IFT88: variants seen among roughly 807,000 people sequenced by gnomAD.
IFT88 encodes the protein intraflagellar transport protein 88 homolog.
Under a neutral mutation model 119.5 loss-of-function variants are expected in IFT88, and 74 were observed. The ratio of observed to expected loss-of-function variants is 0.62; its 90% CI spans 0.51 to 0.75. The LOEUF (loss-of-function observed/expected upper bound fraction) is 0.75, where lower values mean the gene tolerates loss of function less well. IFT88 is among the 30% of genes least tolerant of loss of function. The probability of loss-of-function intolerance (pLI) is 0.00; values close to 1 mark genes in which losing one functional copy is unlikely to be tolerated. For missense variants in IFT88, 961 were observed against 977.7 expected (o/e 0.98, Z 0.23); for synonymous variants, 279 against 316.7 (o/e 0.88, Z 1.26).
rs566288887 is a variant in IFT88, at chr13:20,608,324, G to A, written c.1112+3219G>A. ...CGCCCCATGAGCCACAGGAGGATGC[G>A]TTGCCTGCAGCACAGACGGCTGTGG... On this transcript the variant is annotated intron_variant, in intron 13 of 25. Coordinates refer to ENST00000351808, the MANE Select transcript of IFT88 (RefSeq NM_006531.5). Among the ~76,000 whole-genome samples, 51 of 152,298 alleles carry A rather than the reference G, an allele frequency of 3.3e-4. 1 individual carries two copies. In the South Asian group the frequency reaches 0.01, roughly 30 times the overall value.
intron 23 of IFT88, among the ~76,000 whole-genome samples, chr13:20,666,019 C>G (rs936442201): frequency 6.6e-6 from 1 of 152,214 alleles, no homozygotes; most frequent in Non-Finnish European, 1.5e-5. Flanking sequence ...CTTGAATTTA[C>G]GGTCAGCCAG....
intron 3 of IFT88, among the ~76,000 whole-genome samples, chr13:20,589,533 C>T (rs950617774): frequency 3.3e-5 from 5 of 152,116 alleles, no homozygotes; most frequent in South Asian, 2.1e-4. Context: ...ATGTTTAATT[C>T]GTGATGGTTG....
At chr13:20,621,174 C>G (rs1174363686) in intron 14 of IFT88, among the ~76,000 whole-genome samples, 2 of 152,072 alleles carry the variant, frequency 1.3e-5, no homozygotes, top group Non-Finnish European at 2.9e-5. Flanking sequence ...TCAAGAAATT[C>G]TCGTACCTCA....
chr13:20,674,107 C>T (rs1449097221), intron 24 of IFT88, among the ~76,000 whole-genome samples: 5 of 152,176 alleles, frequency 3.3e-5, no homozygotes, highest in African/African-American at 1.2e-4. Context: ...TTGCAGGAAT[C>T]GTGTTTTCTG....
chr13:20,571,149 A>G (rs939721550), intron 1 of IFT88, among the ~76,000 whole-genome samples: 3 of 152,042 alleles, frequency 2.0e-5, no homozygotes, highest in African/African-American at 7.2e-5. Flanking sequence ...GCCTGCTATC[A>G]TGCCCGGCTA....
Position 20,643,546 on chromosome 13 carries a change from C to A in IFT88, c.1774C>A (p.Leu592Ile). The A allele has an allele frequency of 6.2e-7, 1 of 1,609,826 alleles. No homozygotes were observed. Reference sequence around the variant, plus strand: ...AACCGATCCTCAAGTTTTATCTAAGCTAGGAGAATTATATGATCGTGAAGG... The same window carrying A: ...AACCGATCCTCAAGTTTTATCTAAGATAGGAGAATTATATGATCGTGAAGG... ...IPTDPQVLSK[L>I]GELYDREGDK... Residue 592 changes from leucine (L) to isoleucine (I), a missense_variant, in exon 19 of 26, where the codon CTA (leucine) becomes ATA (isoleucine). Coordinates refer to ENST00000351808, the MANE Select transcript of IFT88 (RefSeq NM_006531.5).
At chr13:20,592,965 C>T (rs1041227449) in intron 7 of IFT88, among the ~76,000 whole-genome samples, 2 of 152,094 alleles carry the variant, frequency 1.3e-5, no homozygotes, top group African/African-American at 4.8e-5. Context: ...TATTATATGA[C>T]TTGAAGATAT....
At chr13:20,594,713 A>G (rs1318162589) in intron 7 of IFT88, among the ~76,000 whole-genome samples, 4 of 152,216 alleles carry the variant, frequency 2.6e-5, no homozygotes, top group Non-Finnish European at 5.9e-5. Flanking sequence ...ATAGAATTCT[A>G]TACTTCATGT....
intron 6 of IFT88, among the ~76,000 whole-genome samples, 168 bp from the exon 7 acceptor site, chr13:20,592,167 T>C (rs1055873050): frequency 1.3e-5 from 2 of 152,184 alleles, no homozygotes; most frequent in African/African-American, 4.8e-5. Context: ...TTTCCCAGTA[T>C]ATGAAATGTT....
intron 16 of IFT88, among the ~76,000 whole-genome samples, chr13:20,634,529 G>A (rs555865560): frequency 4.6e-5 from 7 of 151,998 alleles, no homozygotes; most frequent in Non-Finnish European, 8.8e-5. Context: ...GTGAAACCTC[G>A]TCTCTACTAA....
intron 24 of IFT88, among the ~76,000 whole-genome samples, chr13:20,683,556 T>C (rs1213490821): frequency 6.6e-6 from 1 of 152,188 alleles, no homozygotes; most frequent in African/African-American, 2.4e-5. Flanking sequence ...TGCTTTGATA[T>C]ACTTCAGGGG....
At chr13:20,586,443 G>A (rs1161916368) in intron 3 of IFT88, among the ~76,000 whole-genome samples, 1 of 152,090 alleles carries the variant, frequency 6.6e-6, no homozygotes, top group African/African-American at 2.4e-5. Flanking sequence ...TAAAAGAGAG[G>A]TTATTTACCA....
rs2058393018 is a variant in IFT88, at chr13:20,690,744, G to A, written c.2282G>A (p.Arg761Gln). ...TATAGTGCCAGTAGTAAAGGTGAAC[G>A]ACTAAGTGCCAGACTCAGAGCTTTA... Reference protein sequence around the residue: ...QNYSASSKGERLSARLRALPG... With the variant: ...QNYSASSKGEQLSARLRALPG... The change falls in exon 25 of 26, where the codon CGA (arginine) becomes CAA (glutamine). Residue 761 changes from arginine to glutamine, a missense_variant. By Grantham distance (43) the Arg-to-Gln change is conservative. Coordinates refer to ENST00000351808, the MANE Select transcript of IFT88 (RefSeq NM_006531.5). The A allele has an allele frequency of 6.2e-7, 1 of 1,613,702 alleles. No homozygotes were observed. Among genetic ancestry groups the A allele is most frequent in the Non-Finnish European group, 8.5e-7 (1 of 1,179,726 alleles).
At chr13:20,632,396 A>C (rs2048334904) in intron 16 of IFT88, among the ~76,000 whole-genome samples, 1 of 152,190 alleles carries the variant, frequency 6.6e-6, no homozygotes, top group African/African-American at 2.4e-5. Context: ...AGATGAAGGC[A>C]TGGAACCCAG....
intron 24 of IFT88, among the ~76,000 whole-genome samples, chr13:20,672,689 A>G (rs1390295335): frequency 6.6e-6 from 1 of 152,236 alleles, no homozygotes; most frequent in African/African-American, 2.4e-5. Context: ...TGTATTAGCC[A>G]TGTATCACAT....
At chr13:20,632,574 T>C (rs750491949) in intron 16 of IFT88, among the ~76,000 whole-genome samples, 2 of 152,240 alleles carry the variant, frequency 1.3e-5, no homozygotes, top group Non-Finnish European at 2.9e-5. Context: ...GCCCTTATTG[T>C]AAGAATATTG....
chr13:20,616,636 A>T (rs150752955), intron 14 of IFT88, among the ~76,000 whole-genome samples: 66 of 152,378 alleles, frequency 4.3e-4, no homozygotes, highest in African/African-American at 1.5e-3. Context: ...GCCTAATGAC[A>T]TAATTCTCAG....
intron 20 of IFT88, among the ~76,000 whole-genome samples, 186 bp downstream of exon 20, chr13:20,645,144 C>T (rs1369669524): frequency 2.6e-5 from 4 of 152,134 alleles, no homozygotes; most frequent in African/African-American, 9.7e-5. Flanking sequence ...GGTTGAAGTG[C>T]AATGGCGTGA....
intron 2 of IFT88, among the ~76,000 whole-genome samples, chr13:20,581,559 T>C (rs1593762704): frequency 7.2e-5 from 11 of 152,324 alleles, no homozygotes; most frequent in Middle Eastern, 3.4e-3. Context: ...GTAGTTGATA[T>C]GGAAGGTTAC....
Sources: gnomAD v4.1 joint callset for allele counts (sites outside exome capture counted in the v4.1 genomes callset) on GRCh38, gnomAD v4.1.1 for gene constraint, MANE v1.5 for transcripts, NCBI Gene and HGNC (gene_info 2026-07-23, HGNC 2026-07-21) for gene names.